The following CCDC149 variants were observed in gnomAD, a reference collection of about 807,000 sequenced individuals.
CCDC149 encodes the protein coiled-coil domain containing 149.
Under a neutral mutation model 59.9 loss-of-function variants are expected in CCDC149, and 45 were observed. The observed-to-expected ratio is 0.75, with a 90% CI of 0.59 to 0.96. The LOEUF is 0.96. CCDC149 is among the 40% of genes least tolerant of loss of function. The pLI is 0.00. For synonymous variants in CCDC149, 245 were observed against 260.6 expected, an observed-to-expected ratio of 0.94 and a Z score of 0.58; for missense variants, 584 against 664.7, an observed-to-expected ratio of 0.88 and a Z score of 1.33.
intron 1 of CCDC149, among the ~76,000 whole-genome samples, chr4:24,959,654 G>C (rs997774138): frequency 3.9e-5 from 6 of 152,168 alleles, no homozygotes; most frequent in Non-Finnish European, 7.3e-5. Flanking sequence ...AAAGCAGCCA[G>C]AGAGTAAGAC....
At chr4:24,848,527 C>T (rs1004007639) in intron 4 of CCDC149, among the ~76,000 whole-genome samples, 1 of 151,922 alleles carries the variant, frequency 6.6e-6, no homozygotes, top group African/African-American at 2.4e-5. Context: ...TGAGATTGCA[C>T]CACTGTGCTC....
In CCDC149 at chr4:24,873,680, C is replaced by T. The variant is rs777580063; in HGVS notation, c.264+1G>A. On this transcript the variant is annotated splice_donor_variant, in intron 3 of 12. Transcript: ENST00000635206. LOFTEE classifies it high-confidence loss of function. ...AATCTGAGATCAGAAATAAGTCTTA[C>T]CTGTTTCCTTTTTTCAGGAGGAAGT... 6.9e-6 allele frequency: 11 copies of T among 1,602,864 alleles called. No individual in the cohort carries two copies. The highest frequency in any genetic ancestry group is 2.7e-5 in the African/African-American group (2 of 74,694).
intron 1 of CCDC149, among the ~76,000 whole-genome samples, chr4:24,896,141 A>T (rs1187290350): frequency 6.6e-6 from 1 of 152,220 alleles, no homozygotes; most frequent in East Asian, 1.9e-4. Context: ...TTGCTGAGTG[A>T]CCATAAAGAA....
intron 12 of CCDC149, among the ~76,000 whole-genome samples, chr4:24,811,990 G>A (rs1714640291): frequency 6.6e-6 from 1 of 152,122 alleles, no homozygotes; most frequent in Non-Finnish European, 1.5e-5. Context: ...GGATTCCTTG[G>A]TTTGTGGCTG....
intron 6 of CCDC149, among the ~76,000 whole-genome samples, chr4:24,836,827 C>T (rs939584734): frequency 3.3e-5 from 5 of 152,050 alleles, no homozygotes; most frequent in Non-Finnish European, 5.9e-5. Context: ...CAGGAAGAGG[C>T]GACACCAGAC....
At chr4:24,905,424 T>G (rs879654594) in intron 1 of CCDC149, among the ~76,000 whole-genome samples, 1 of 134,190 alleles carries the variant, frequency 7.5e-6, no homozygotes, top group African/African-American at 3.1e-5. Flanking sequence ...CGTGTGTGTG[T>G]GTGTGTGTGT....
At chr4:24,827,636 G>A (rs936687779) in intron 9 of CCDC149, 9 of 152,190 alleles carry the variant, frequency 5.9e-5, no homozygotes, top group African/African-American at 7.2e-5. Context: ...GTTCTTTCTC[G>A]ATCACCAGGC....
chr4:24,855,281 C>G (rs938624403), intron 3 of CCDC149, among the ~76,000 whole-genome samples: 4 of 152,162 alleles, frequency 2.6e-5, no homozygotes, highest in Admixed American at 6.5e-5. Context: ...TCATTCATCC[C>G]TGGCTAGCTG....
At position 24,879,558 on chromosome 4, in the gene CCDC149, G is replaced by A. The variant is rs113272399; in HGVS notation, c.64-2861C>T. On this transcript the variant is annotated intron_variant, in intron 1 of 12. Coordinates refer to ENST00000635206, the MANE Select transcript of CCDC149 (RefSeq NM_001330643.2). ...AAATTAGCTGGGCATGGTGGCAGGC[G>A]CCTGTAATCCCAGCTACTTGGGAGG... Among the ~76,000 whole-genome samples, 11 of 151,250 alleles carry A rather than the reference G, an allele frequency of 7.3e-5. No homozygotes were observed. The East Asian group carries it at 9.7e-4, about 13-fold the overall frequency.
intron 1 of CCDC149, among the ~76,000 whole-genome samples, chr4:24,905,734 C>T (rs1721466902): frequency 6.6e-6 from 1 of 152,210 alleles, no homozygotes; most frequent in African/African-American, 2.4e-5. Flanking sequence ...TGGTGCCCAG[C>T]CTACTCTTAT....
At chr4:24,921,983 C>T (rs989643289) in intron 1 of CCDC149, among the ~76,000 whole-genome samples, 10 of 152,162 alleles carry the variant, frequency 6.6e-5, no homozygotes, top group African/African-American at 9.7e-5. Context: ...TTCAAGGCAT[C>T]GGCAGGGTTG....
chr4:24,905,830 G>GT (rs1312247727), intron 1 of CCDC149, among the ~76,000 whole-genome samples: 1 of 152,164 alleles, frequency 6.6e-6, no homozygotes, highest in African/African-American at 2.4e-5. Flanking sequence ...AGGAGTGGCC[G>GT]TATGACTATG....
At chr4:24,895,068 A>C (rs765927492) in intron 1 of CCDC149, 1 of 1,475,190 alleles carries the variant, frequency 6.8e-7, no homozygotes, top group South Asian at 1.2e-5. Context: ...GGTGATGATG[A>C]TGAGTTAATG....
intron 8 of CCDC149, among the ~76,000 whole-genome samples, chr4:24,834,255 A>G (rs1716349661): frequency 6.6e-6 from 1 of 152,158 alleles, no homozygotes; most frequent in Non-Finnish European, 1.5e-5. Flanking sequence ...AACAACCAAA[A>G]AGTGGGCCAG....
At chr4:24,877,971 G>A (rs1719570278) in intron 1 of CCDC149, among the ~76,000 whole-genome samples, 2 of 152,186 alleles carry the variant, frequency 1.3e-5, no homozygotes, top group African/African-American at 4.8e-5. Flanking sequence ...ACCAAATTCA[G>A]AGCATTCATG....
intron 1 of CCDC149, chr4:24,895,122 G>T: frequency 1.1e-6 from 1 of 947,550 alleles, no homozygotes; most frequent in Non-Finnish European, 1.6e-6. Flanking sequence ...GTGCTGACTA[G>T]GAATAAGAAC....
chr4:24,882,047 A>C (rs1192068384), intron 1 of CCDC149, among the ~76,000 whole-genome samples: 1 of 152,218 alleles, frequency 6.6e-6, no homozygotes, highest in Non-Finnish European at 1.5e-5. Flanking sequence ...TGGTATTCCT[A>C]GTACAAGGAA....
intron 1 of CCDC149, among the ~76,000 whole-genome samples, chr4:24,950,729 C>A (rs555861606): frequency 6.6e-6 from 1 of 152,312 alleles, no homozygotes; most frequent in South Asian, 2.1e-4. Context: ...TTCATTTACT[C>A]ATTCATTCAC....
intron 1 of CCDC149, among the ~76,000 whole-genome samples, chr4:24,947,999 T>C (rs1042329356): frequency 5.9e-5 from 9 of 152,236 alleles, no homozygotes; most frequent in African/African-American, 1.9e-4. Context: ...CCAAATCAAT[T>C]TGGGGGCTTG....
Sources: allele counts gnomAD v4.1 joint callset (sites outside exome capture counted in the v4.1 genomes callset), GRCh38; gene constraint gnomAD v4.1.1; transcripts MANE v1.5; gene names NCBI Gene and HGNC (gene_info 2026-07-23, HGNC 2026-07-21).